MAPK9: variants seen among roughly 807,000 people sequenced by gnomAD.
MAPK9 encodes the protein Jun kinase.
Under a neutral mutation model 57.1 loss-of-function variants are expected in MAPK9, and 30 were observed. That is an observed-to-expected ratio of 0.53 (90% CI 0.39 to 0.71). The LOEUF is 0.71. MAPK9 is among the 30% of genes least tolerant of loss of function. The pLI is 0.00. For missense variants in MAPK9, 362 were observed against 521.0 expected, an observed-to-expected ratio of 0.69 and a Z score of 2.97; for synonymous variants, 155 against 177.0, an observed-to-expected ratio of 0.88 and a Z score of 0.99.
At chr5:180,256,027 G>T (rs1199845663) in intron 5 of MAPK9, among the ~76,000 whole-genome samples, 1 of 152,190 alleles carries the variant, frequency 6.6e-6, no homozygotes, top group African/African-American at 2.4e-5. Flanking sequence ...GTCTTTGAAG[G>T]ATGTAAGTTC....
chr5:180,262,279 C>T (rs951209133), intron 4 of MAPK9, among the ~76,000 whole-genome samples: 2 of 152,102 alleles, frequency 1.3e-5, no homozygotes, highest in Non-Finnish European at 2.9e-5. Flanking sequence ...ACAATATATA[C>T]GTTTTTAAAA....
At chr5:180,273,005 T>A (rs951825289) in intron 2 of MAPK9, among the ~76,000 whole-genome samples, 14 of 152,168 alleles carry the variant, frequency 9.2e-5, no homozygotes, top group African/African-American at 3.4e-4. Flanking sequence ...AGGGGTCACA[T>A]CTGAGAGCTG....
At chr5:180,241,880 A>C (rs1198156897) in intron 8 of MAPK9, among the ~76,000 whole-genome samples, 1 of 152,232 alleles carries the variant, frequency 6.6e-6, no homozygotes, top group African/African-American at 2.4e-5. Context: ...ATCGAAATGA[A>C]ATTAGAACAG....
At chr5:180,270,548 A>G (rs1761161094) in intron 2 of MAPK9, among the ~76,000 whole-genome samples, 1 of 152,214 alleles carries the variant, frequency 6.6e-6, no homozygotes, top group Non-Finnish European at 1.5e-5. Context: ...TATACTTCTC[A>G]GACTCAAGAA....
rs991693051 is a variant in MAPK9, at chr5:180,236,506, C to T, written c.1153G>A (p.Ala385Thr). 5 of 1,613,810 alleles carry T rather than the reference C, an allele frequency of 3.1e-6. No homozygotes were observed. Among genetic ancestry groups the T allele is most frequent in the Middle Eastern group, 1.7e-4 (1 of 6,060 alleles). ...ATCGATGAAGACTGAGAAGGAGTGGCGTTGCTACTTACTGCTGCATCTGTG... is the reference window on the plus strand; with the variant it reads ...ATCGATGAAGACTGAGAAGGAGTGGTGTTGCTACTTACTGCTGCATCTGTG... ...QPSDAAVSSNATPSQSSSIND... is the reference protein window; with the variant it reads ...QPSDAAVSSNTTPSQSSSIND... Residue 385 changes from alanine to threonine, a missense_variant, in exon 12 of 12, where the codon GCC (alanine) becomes ACC (threonine). This residue lies in a region of MAPK9 where 199 missense variants were observed against 251.3 expected (regional missense o/e 0.79). Transcript: ENST00000452135.
chr5:180,284,229 A>G (rs1249327280), intron 1 of MAPK9, among the ~76,000 whole-genome samples: 1 of 152,252 alleles, frequency 6.6e-6, no homozygotes, highest in Non-Finnish European at 1.5e-5. Flanking sequence ...CATTAGCAAT[A>G]CACTAAAGCC....
rs151200573 is a variant in MAPK9, at chr5:180,287,388, G to A, written c.-48+4460C>T. ...CTCTGTGCCATTTGTGCAACTTCCT[G>A]TGAATCTATAATTATTTCAAAATAT... On this transcript the variant is annotated intron_variant, in intron 1 of 11. Transcript: ENST00000452135. Among the ~76,000 whole-genome samples the A allele has an allele frequency of 4.1e-3, 632 of 152,324 alleles. 6 individuals are homozygous for A. Among genetic ancestry groups the A allele is most frequent in the Non-Finnish European group, 7.3e-3 (494 of 68,032 alleles).
intron 2 of MAPK9, among the ~76,000 whole-genome samples, chr5:180,279,232 A>C (rs1426496530): frequency 6.6e-6 from 1 of 152,194 alleles, no homozygotes; most frequent in African/African-American, 2.4e-5. Context: ...CTGGGATTAC[A>C]GGCGTGAGCC....
intron 2 of MAPK9, among the ~76,000 whole-genome samples, chr5:180,269,780 G>T (rs1263350349): frequency 6.6e-6 from 1 of 152,184 alleles, no homozygotes; most frequent in Non-Finnish European, 1.5e-5. Context: ...ACTGTTTCCT[G>T]TCTTAAAATG....
Position 180,235,155 on chromosome 5 carries a change from T to A in MAPK9, c.*1229A>T, listed in dbSNP as rs1352318749. On this transcript the variant is annotated 3_prime_UTR_variant, in exon 12 of 12. Transcript: ENST00000452135. ...TTTTAAATCAGAAAATAGTCAATAGTTAATCATGACTCTTCAGGGTATTTC... is the reference window on the plus strand; with the variant it reads ...TTTTAAATCAGAAAATAGTCAATAGATAATCATGACTCTTCAGGGTATTTC... The A allele has an allele frequency of 6.6e-6, 1 of 152,212 alleles. No individual in the cohort carries two copies. Among genetic ancestry groups the A allele is most frequent in the African/African-American group, 2.4e-5 (1 of 41,442 alleles). 9.4% of individuals were successfully genotyped at this position (152,212 alleles called of 1,614,324 possible).
rs1757112236 is a variant in MAPK9, at chr5:180,235,550, G to A, written c.*834C>T. The A allele has an allele frequency of 6.6e-6, 1 of 152,142 alleles. No individual in the cohort carries two copies. Among genetic ancestry groups the A allele is most frequent in the Non-Finnish European group, 1.5e-5 (1 of 68,028 alleles). The allele number at this position is 152,142 out of a possible 1,614,324, so 9.4% of individuals were successfully genotyped here. A position where few individuals can be genotyped will look rare whatever the true frequency, so the allele number is the denominator to read the frequency against. On this transcript the variant is annotated 3_prime_UTR_variant, in exon 12 of 12. Coordinates refer to ENST00000452135, the MANE Select transcript of MAPK9 (RefSeq NM_002752.5). Reference sequence around the variant, plus strand: ...GGAGTGTTACGCACCTAATAAAGAAGGTGAAGTTCTAGGTAGCATTTTAAA... The same window carrying A: ...GGAGTGTTACGCACCTAATAAAGAAAGTGAAGTTCTAGGTAGCATTTTAAA...
intron 5 of MAPK9, among the ~76,000 whole-genome samples, chr5:180,249,544 C>T (rs1290263710): frequency 6.6e-6 from 1 of 151,970 alleles, no homozygotes; most frequent in East Asian, 1.9e-4. Context: ...ACACGGCCCC[C>T]TCCTGCTCTC....
intron 3 of MAPK9, among the ~76,000 whole-genome samples, chr5:180,268,911 A>G (rs1760970308): frequency 1.3e-5 from 2 of 151,640 alleles, no homozygotes; most frequent in African/African-American, 4.8e-5. Flanking sequence ...AGGCCAAGGC[A>G]GGTGGATCAT....
chr5:180,281,412 A>G (rs1762305166), intron 1 of MAPK9, among the ~76,000 whole-genome samples: 1 of 152,262 alleles, frequency 6.6e-6, no homozygotes, highest in Non-Finnish European at 1.5e-5. Flanking sequence ...AGGAGCCTGG[A>G]TGATTTTATA....
rs1366412839 is a variant in MAPK9, at chr5:180,234,585, T to G, written c.*1799A>C. On this transcript the variant is annotated 3_prime_UTR_variant, in exon 12 of 12. Coordinates refer to ENST00000452135, the MANE Select transcript of MAPK9 (RefSeq NM_002752.5). ...TCGCGCATTTTCAACCTCTCCCTTT[T>G]GTTTTTCCTTTTAAAGATAGATTTA... The G allele has an allele frequency of 6.6e-6, 1 of 152,232 alleles. No individual in the cohort carries two copies. Among genetic ancestry groups the G allele is most frequent in the East Asian group, 1.9e-4 (1 of 5,204 alleles). The allele number at this position is 152,232 out of a possible 1,614,324, so 9.4% of individuals were successfully genotyped here. A position where few individuals can be genotyped will look rare whatever the true frequency, so the allele number is the denominator to read the frequency against.
intron 1 of MAPK9, among the ~76,000 whole-genome samples, chr5:180,281,632 T>C (rs1281582033): frequency 6.6e-6 from 1 of 152,240 alleles, no homozygotes; most frequent in East Asian, 1.9e-4. Context: ...GTATCTAATA[T>C]TTAACGTCAA....
At chr5:180,242,397 A>G (rs1757742334) in intron 8 of MAPK9, among the ~76,000 whole-genome samples, 176 bp downstream of exon 8, 1 of 152,222 alleles carries the variant, frequency 6.6e-6, no homozygotes, top group Admixed American at 6.5e-5. Flanking sequence ...GCCGTCTTAT[A>G]GAGGATAAAG....
chr5:180,244,024 T>G (rs1757871363), intron 7 of MAPK9, among the ~76,000 whole-genome samples: 1 of 149,208 alleles, frequency 6.7e-6, no homozygotes, highest in East Asian at 1.9e-4. Context: ...ATTTTTGTTA[T>G]TTTTAGTAGA....
chr5:180,286,992 T>G (rs1171237975), intron 1 of MAPK9: 1 of 152,248 alleles, frequency 6.6e-6, no homozygotes, highest in Non-Finnish European at 1.5e-5. Context: ...TGGGTGGATC[T>G]CAGGGGCAGG....
Sources: allele counts gnomAD v4.1 joint callset (sites outside exome capture counted in the v4.1 genomes callset), GRCh38; gene constraint gnomAD v4.1.1; regional missense constraint gnomAD v4.1.1; transcripts MANE v1.5; gene names NCBI Gene and HGNC (gene_info 2026-07-23, HGNC 2026-07-21).